Variants in SCCPDH observed in about 807,000 individuals in gnomAD.
The protein encoded by SCCPDH is saccharopine dehydrogenase (putative).
SCCPDH carries 34 observed loss-of-function variants against 51.5 expected under a neutral mutation model. That is an observed-to-expected ratio of 0.66 (90% CI 0.50 to 0.88). The LOEUF (loss-of-function observed/expected upper bound fraction) is 0.88, where lower values mean the gene tolerates loss of function less well. Among genes scored for constraint, SCCPDH ranks in the 40% least tolerant of loss-of-function variants. The pLI, the probability that SCCPDH is intolerant of heterozygous loss-of-function variation, is 0.00. For synonymous variants in SCCPDH, 187 were observed against 191.3 expected, an observed-to-expected ratio of 0.98 and a Z score of 0.19; for missense variants, 464 against 527.1, an observed-to-expected ratio of 0.88 and a Z score of 1.17.
At chr1:246,733,488 T>TTA (rs1257653686) in intron 2 of SCCPDH, among the ~76,000 whole-genome samples, 4 of 89,328 alleles carry the variant, frequency 4.5e-5, no homozygotes, top group East Asian at 2.7e-4. Flanking sequence ...GCATCATATT[T>TTA]TATACACACA....
chr1:246,751,029 C>A (rs762525163), intron 5 of SCCPDH, among the ~76,000 whole-genome samples: 1 of 152,236 alleles, frequency 6.6e-6, no homozygotes, highest in Non-Finnish European at 1.5e-5. Flanking sequence ...AACAACATTT[C>A]GCTCATAAGG....
intron 5 of SCCPDH, among the ~76,000 whole-genome samples, chr1:246,754,833 T>C (rs1387930402): frequency 6.6e-6 from 1 of 152,232 alleles, no homozygotes; most frequent in Non-Finnish European, 1.5e-5. Flanking sequence ...GTTTTCTTTC[T>C]CTTTTTTTTG....
chr1:246,741,043 C>G (rs1668668363), intron 4 of SCCPDH, among the ~76,000 whole-genome samples: 1 of 152,034 alleles, frequency 6.6e-6, no homozygotes, highest in South Asian at 2.1e-4. Context: ...ATGATTGCAC[C>G]ACTGCACTCT....
chr1:246,729,857 A>G (rs1668466057), intron 2 of SCCPDH, among the ~76,000 whole-genome samples: 1 of 152,216 alleles, frequency 6.6e-6, no homozygotes, highest in Non-Finnish European at 1.5e-5. Context: ...GGGAACTAAT[A>G]AATGTCCATG....
chr1:246,751,656 G>C (rs1474065578), intron 5 of SCCPDH, among the ~76,000 whole-genome samples: 4 of 152,008 alleles, frequency 2.6e-5, no homozygotes, highest in Non-Finnish European at 5.9e-5. Context: ...GACTTTCACA[G>C]ACGACCTTTG....
At chr1:246,747,305 T>G (rs1025255653) in intron 5 of SCCPDH, among the ~76,000 whole-genome samples, 1 of 152,198 alleles carries the variant, frequency 6.6e-6, no homozygotes, top group Non-Finnish European at 1.5e-5. Context: ...TAGAGAAGAT[T>G]AGTCATTTTG....
At chr1:246,728,956 A>G (rs191658034) in intron 2 of SCCPDH, among the ~76,000 whole-genome samples, 2 of 152,342 alleles carry the variant, frequency 1.3e-5, no homozygotes, top group East Asian at 3.9e-4. Context: ...ATAAAGAGAA[A>G]GAGTACAAAG....
In SCCPDH at chr1:246,758,341, C is replaced by A; in HGVS notation, c.680C>A (p.Pro227Gln). The A allele has an allele frequency of 6.2e-7, 1 of 1,601,634 alleles. No homozygotes were observed. ...SNLKPVPLIG[P>Q]KLKRRWPISY... ...CTGAAACCTGTCCCGCTCATTGGTC[C>A]AAAATTGAAGAGAAGGTAAATTAAC... Residue 227 changes from proline to glutamine, a missense_variant, in exon 6 of 12, where the codon CCA (proline) becomes CAA (glutamine). By Grantham distance (76) the Pro-to-Gln change is moderately conservative. Coordinates refer to ENST00000366510, the MANE Select transcript of SCCPDH (RefSeq NM_016002.3).
intron 2 of SCCPDH, among the ~76,000 whole-genome samples, chr1:246,730,092 G>A (rs1668469875): frequency 6.6e-6 from 1 of 151,812 alleles, no homozygotes. Flanking sequence ...TACTTTTTGT[G>A]CCCCCTTTTT....
At chr1:246,724,714 C>G (rs1291951222) in intron 1 of SCCPDH, 102 bp downstream of exon 1, 13 of 1,061,448 alleles carry the variant, frequency 1.2e-5, no homozygotes. Flanking sequence ...CCTACGTGTC[C>G]CCGAGCCCTG....
intron 5 of SCCPDH, among the ~76,000 whole-genome samples, chr1:246,753,004 T>C (rs1668875042): frequency 6.6e-6 from 1 of 152,070 alleles, no homozygotes; most frequent in Non-Finnish European, 1.5e-5. Flanking sequence ...TCTGTCTCTT[T>C]CTCTCTCTTT....
chr1:246,760,635 C>T (rs1210509796), intron 9 of SCCPDH, among the ~76,000 whole-genome samples: 2 of 152,130 alleles, frequency 1.3e-5, no homozygotes, highest in Admixed American at 6.5e-5. Context: ...CCCTGGATTC[C>T]GACGGGGGAT....
At chr1:246,739,995 G>A (rs1668654343) in intron 3 of SCCPDH, among the ~76,000 whole-genome samples, 177 bp from the exon 4 acceptor site, 1 of 152,176 alleles carries the variant, frequency 6.6e-6, no homozygotes. Flanking sequence ...CTGGTGTGCA[G>A]TAGGCGCTGT....
At chr1:246,739,449 C>T (rs758136681) in intron 3 of SCCPDH, among the ~76,000 whole-genome samples, 5 of 152,110 alleles carry the variant, frequency 3.3e-5, no homozygotes, top group Non-Finnish European at 5.9e-5. Context: ...GAGAAACCGT[C>T]GCAGCCAAAA....
chr1:246,726,627 T>G (rs963741517), intron 1 of SCCPDH, among the ~76,000 whole-genome samples: 1 of 152,244 alleles, frequency 6.6e-6, no homozygotes, highest in Admixed American at 6.5e-5. Context: ...TACACAGGGT[T>G]GTTATTTACA....
At chr1:246,740,042 T>C (rs1206917018) in intron 3 of SCCPDH, 130 bp from the exon 4 acceptor site, 8 of 597,058 alleles carry the variant, frequency 1.3e-5, no homozygotes, top group South Asian at 3.6e-5. Flanking sequence ...TGACAGTTAA[T>C]GTTTTGCTGC....
intron 5 of SCCPDH, among the ~76,000 whole-genome samples, chr1:246,754,416 C>T (rs879639335): frequency 1.1e-4 from 16 of 152,206 alleles, no homozygotes; most frequent in Non-Finnish European, 2.1e-4. Flanking sequence ...ATGGGAATCC[C>T]GGGCGGGCCC....
intron 5 of SCCPDH, among the ~76,000 whole-genome samples, chr1:246,748,105 T>A (rs1208971211): frequency 1.3e-5 from 2 of 152,158 alleles, no homozygotes; most frequent in East Asian, 3.8e-4. Flanking sequence ...GCTTTGCTGC[T>A]CGACTTTATC....
intron 5 of SCCPDH, among the ~76,000 whole-genome samples, chr1:246,753,707 G>A (rs1435829026): frequency 6.6e-6 from 1 of 151,852 alleles, no homozygotes; most frequent in African/African-American, 2.4e-5. Context: ...GCAGTTCGAC[G>A]GATCGTGGCT....
Sources: allele counts gnomAD v4.1 joint callset (sites outside exome capture counted in the v4.1 genomes callset), GRCh38; gene constraint gnomAD v4.1.1; transcripts MANE v1.5; gene names NCBI Gene and HGNC (gene_info 2026-07-23, HGNC 2026-07-21).